Variants in TRIO observed in about 807,000 individuals in gnomAD.
TRIO encodes triple functional domain protein.
A neutral mutation model predicts 351.9 loss-of-function variants in TRIO; 58 were observed. The ratio of observed to expected loss-of-function variants is 0.16; its 90% CI spans 0.13 to 0.21. The LOEUF is 0.21. Ranked by LOEUF, TRIO falls within the 10% of genes least tolerant of loss-of-function variation. The probability of loss-of-function intolerance (pLI) is 1.00; values close to 1 mark genes in which losing one functional copy is unlikely to be tolerated. For missense variants in TRIO, 3,201 were observed against 4,027.8 expected (o/e 0.79, Z 5.56); for synonymous variants, 1,758 against 1,595.7 (o/e 1.10, Z -2.42).
chr5:14,469,911 TG>T (rs748747417), intron 37 of TRIO, among the ~76,000 whole-genome samples: 1 of 152,206 alleles, frequency 6.6e-6, no homozygotes, highest in Non-Finnish European at 1.5e-5. Context: ...TTTTTCTCAC[TG>T]TTCAAATGAA....
At chr5:14,491,674 C>T (rs1195334842) in intron 48 of TRIO, among the ~76,000 whole-genome samples, 3 of 152,158 alleles carry the variant, frequency 2.0e-5, no homozygotes, top group Admixed American at 6.5e-5. Context: ...CTGTTGCAAT[C>T]CTGCCTCACT....
chr5:14,332,818 C>G (rs1338089801), intron 10 of TRIO, among the ~76,000 whole-genome samples: 1 of 152,192 alleles, frequency 6.6e-6, no homozygotes, highest in Non-Finnish European at 1.5e-5. Flanking sequence ...TTCACCGAGT[C>G]GCTGTGATGA....
intron 34 of TRIO, among the ~76,000 whole-genome samples, chr5:14,449,284 C>T (rs1207219719): frequency 2.0e-5 from 3 of 152,150 alleles, no homozygotes; most frequent in Non-Finnish European, 4.4e-5. Context: ...ATGAAAGACG[C>T]CCTCTCGGCC....
intron 11 of TRIO, among the ~76,000 whole-genome samples, chr5:14,344,015 C>T (rs1337957967): frequency 1.3e-5 from 2 of 152,176 alleles, no homozygotes; most frequent in African/African-American, 4.8e-5. Context: ...TATGATCGAG[C>T]CTCAGTAATT....
At chr5:14,360,036 C>A (rs557173453) in intron 13 of TRIO, among the ~76,000 whole-genome samples, 1 of 151,592 alleles carries the variant, frequency 6.6e-6, no homozygotes, top group East Asian at 1.9e-4. Context: ...TACCTTTTCT[C>A]TTCCTTGCTT....
At chr5:14,365,868 T>G (rs1744551037) in intron 15 of TRIO, among the ~76,000 whole-genome samples, 1 of 152,122 alleles carries the variant, frequency 6.6e-6, no homozygotes, top group South Asian at 2.1e-4. Flanking sequence ...ATCACCTCCA[T>G]ATCCCAAATT....
At chr5:14,174,943 G>C (rs191223982) in intron 1 of TRIO, among the ~76,000 whole-genome samples, 1 of 152,138 alleles carries the variant, frequency 6.6e-6, no homozygotes, top group Non-Finnish European at 1.5e-5. Flanking sequence ...TCAAAATGTT[G>C]TTCATGCTCA....
chr5:14,214,827 A>G (rs1028496882), intron 1 of TRIO, among the ~76,000 whole-genome samples: 5 of 152,232 alleles, frequency 3.3e-5, no homozygotes, highest in Non-Finnish European at 5.9e-5. Context: ...ACAAAGGTGA[A>G]ATAAACACCT....
At chr5:14,206,058 CT>C (rs1033526498) in intron 1 of TRIO, among the ~76,000 whole-genome samples, 2 of 151,658 alleles carry the variant, frequency 1.3e-5, no homozygotes, top group African/African-American at 4.8e-5. Context: ...TTAAAATGTA[CT>C]TTTTATTTAT....
At chr5:14,326,848 A>G (rs1478507251) in intron 9 of TRIO, among the ~76,000 whole-genome samples, 2 of 152,242 alleles carry the variant, frequency 1.3e-5, no homozygotes, top group Non-Finnish European at 2.9e-5. Flanking sequence ...TAATCTGAGT[A>G]ATCTACCCAT....
At position 14,360,719 on chromosome 5, in the gene TRIO, T is replaced by C. The variant is rs578000403; in HGVS notation, c.2391+1188T>C. Among the ~76,000 whole-genome samples the C allele has an allele frequency of 2.6e-5, 4 of 152,256 alleles. No individual in the cohort carries two copies. In the East Asian group the frequency reaches 7.7e-4, roughly 29 times the overall value. On this transcript the variant is annotated intron_variant, in intron 13 of 56. Coordinates refer to ENST00000344204, the MANE Select transcript of TRIO (RefSeq NM_007118.4). ...GCCTGCCCTGGGGAGTGGTTTTGGT[T>C]TGTGGTGCAAGGGCCAGACCAGCCC...
chr5:14,414,904 G>A (rs541574482), intron 33 of TRIO, among the ~76,000 whole-genome samples: 13 of 152,332 alleles, frequency 8.5e-5, no homozygotes, highest in Admixed American at 7.8e-4. Flanking sequence ...TTGGGTGGGT[G>A]AGAGCCTGGG....
intron 9 of TRIO, among the ~76,000 whole-genome samples, chr5:14,327,673 A>T (rs182950188): frequency 2.6e-4 from 39 of 151,980 alleles, no homozygotes; most frequent in East Asian, 9.7e-4. Context: ...TATATAATTT[A>T]AAAAAAAGTC....
intron 21 of TRIO, among the ~76,000 whole-genome samples, chr5:14,385,334 A>G (rs908215065): frequency 6.6e-6 from 1 of 152,216 alleles, no homozygotes; most frequent in African/African-American, 2.4e-5. Flanking sequence ...CGGAATTTGG[A>G]AACAACACGG....
At chr5:14,447,220 A>G (rs1215884075) in intron 34 of TRIO, among the ~76,000 whole-genome samples, 1 of 152,212 alleles carries the variant, frequency 6.6e-6, no homozygotes, top group Non-Finnish European at 1.5e-5. Flanking sequence ...TGACACAGCG[A>G]GACTGTCCCA....
chr5:14,327,716 T>C (rs1022111278), intron 9 of TRIO, among the ~76,000 whole-genome samples: 15 of 152,170 alleles, frequency 9.9e-5, no homozygotes, highest in Non-Finnish European at 1.5e-5. Context: ...TACAGGCAGG[T>C]GAACTGTAGC....
intron 1 of TRIO, among the ~76,000 whole-genome samples, chr5:14,223,651 A>G (rs1047005524): frequency 2.6e-5 from 4 of 152,206 alleles, no homozygotes; most frequent in Non-Finnish European, 5.9e-5. Flanking sequence ...TTGCGAGAAC[A>G]AGAGGAAATG....
At chr5:14,437,739 G>A (rs901875738) in intron 34 of TRIO, among the ~76,000 whole-genome samples, 6 of 141,894 alleles carry the variant, frequency 4.2e-5, no homozygotes, top group East Asian at 2.0e-4. Context: ...TTAAATTTCC[G>A]CCTCAAAGCA....
Position 14,485,052 on chromosome 5 carries a change from G to GTT in TRIO, c.6658-5_6658-4dup, listed in dbSNP as rs77888842. ...CCACCTGTTAGCTATTATGAATAAT[G>GTT]TTTTTTTTTTTTTAAGGTGAGTTGC... On this transcript the variant is annotated splice_polypyrimidine_tract_variant and intron_variant, in intron 46 of 56. Coordinates refer to ENST00000344204, the MANE Select transcript of TRIO (RefSeq NM_007118.4). The GTT allele has an allele frequency of 1.5e-3, 2,017 of 1,332,730 alleles. No homozygotes were observed. The highest frequency in any genetic ancestry group is 5.5e-3 in the South Asian group (359 of 65,298). 82.6% of individuals were successfully genotyped at this position (1,332,730 alleles called of 1,614,324 possible).
Sources: gnomAD v4.1 joint callset for allele counts (sites outside exome capture counted in the v4.1 genomes callset) on GRCh38, gnomAD v4.1.1 for gene constraint, MANE v1.5 for transcripts, NCBI Gene and HGNC (gene_info 2026-07-23, HGNC 2026-07-21) for gene names.